The following ANKRD11 variants were observed in gnomAD, a reference collection of about 807,000 sequenced individuals.
ANKRD11 encodes the protein ankyrin repeat domain 11.
A neutral mutation model predicts 195.7 loss-of-function variants in ANKRD11; 17 were observed. That is an observed-to-expected ratio of 0.09 (90% confidence interval 0.06 to 0.13). ANKRD11 has a LOEUF of 0.13. Among genes scored for constraint, ANKRD11 ranks in the 10% least tolerant of loss-of-function variants. The pLI, the probability that ANKRD11 is intolerant of heterozygous loss-of-function variation, is 1.00. For synonymous variants in ANKRD11, 1,953 were observed against 1,528.1 expected (o/e 1.28, Z -6.49); for missense variants, 3,735 against 3,566.1 (o/e 1.05, Z -1.21).
At chr16:89,439,277 C>A (rs1263074276) in intron 1 of ANKRD11, among the ~76,000 whole-genome samples, 1 of 152,108 alleles carries the variant, frequency 6.6e-6, no homozygotes, top group African/African-American at 2.4e-5. Flanking sequence ...GAATCCTAAG[C>A]ACAAATATAT....
At chr16:89,333,008 A>C (rs911095821) in intron 2 of ANKRD11, among the ~76,000 whole-genome samples, 17 of 152,260 alleles carry the variant, frequency 1.1e-4, no homozygotes, top group African/African-American at 4.1e-4. Flanking sequence ...GCACCCGGGG[A>C]ATTTCACACG....
At chr16:89,452,369 C>T (rs2044116669) in intron 1 of ANKRD11, among the ~76,000 whole-genome samples, 1 of 152,168 alleles carries the variant, frequency 6.6e-6, no homozygotes. Context: ...GTAGGGAGGA[C>T]CAACCATGCC....
chr16:89,488,701 C>A (rs2057703506), intron 1 of ANKRD11, among the ~76,000 whole-genome samples: 1 of 152,124 alleles, frequency 6.6e-6, no homozygotes, highest in Non-Finnish European at 1.5e-5. Flanking sequence ...ATATGTTTGG[C>A]TAAGTCTCAA....
intron 2 of ANKRD11, among the ~76,000 whole-genome samples, chr16:89,404,993 C>T (rs572008718): frequency 3.3e-5 from 5 of 152,254 alleles, no homozygotes; most frequent in African/African-American, 1.2e-4. Context: ...AATCAGACTT[C>T]CAAAAAGAAA....
intron 3 of ANKRD11, among the ~76,000 whole-genome samples, chr16:89,315,546 G>A (rs780122565): frequency 5.3e-5 from 8 of 152,294 alleles, no homozygotes; most frequent in South Asian, 2.1e-4. Context: ...GTGTGTCCCC[G>A]CCTGTGAGCT....
chr16:89,280,035 C>A lies in ANKRD11; in HGVS notation c.6507G>T (p.Gly2169=), dbSNP rs1483503412. The change falls in exon 9 of 13, where the codon GGG becomes GGT. Residue 2169 remains glycine, a synonymous_variant. Transcript: ENST00000301030. The stretch of plus-strand genomic sequence containing the variant: ...CCCCACCGTTTATGACCCCGGGGGC[C>A]CCTGGAGGCATCTCTTCTGGAGGAG... The part of the protein sequence containing the change: ...SLAPPEEMPP[G]APGVINGGDV... 6.2e-7 allele frequency: 1 copy of A among 1,612,840 alleles called. No individual in the cohort carries two copies. Among genetic ancestry groups the A allele is most frequent in the Non-Finnish European group, 8.5e-7 (1 of 1,179,954 alleles).
chr16:89,349,687 T>C (rs2039115797), intron 2 of ANKRD11, among the ~76,000 whole-genome samples: 1 of 152,180 alleles, frequency 6.6e-6, no homozygotes, highest in African/African-American at 2.4e-5. Context: ...GAAAACTATG[T>C]ATCTTGTAGA....
chr16:89,457,935 A>C (rs577905192), intron 1 of ANKRD11, among the ~76,000 whole-genome samples: 7 of 152,238 alleles, frequency 4.6e-5, no homozygotes, highest in Admixed American at 3.9e-4. Context: ...TCAGACCCAG[A>C]CCCCAGCTGA....
At chr16:89,275,718 TG>T (rs2033598415) in intron 9 of ANKRD11, among the ~76,000 whole-genome samples, 1 of 152,016 alleles carries the variant, frequency 6.6e-6, no homozygotes, top group African/African-American at 2.4e-5. Context: ...CCGTGGGGGC[TG>T]GGGGACTGTG....
intron 7 of ANKRD11, chr16:89,287,878 C>T: frequency 3.1e-6 from 1 of 325,116 alleles, no homozygotes; most frequent in Non-Finnish European, 5.6e-6. Context: ...AGATGTGGCC[C>T]CGTGTGACCC....
Position 89,290,833 on chromosome 16 carries a change from A to C in ANKRD11, c.398-5T>G. 6.2e-7 allele frequency: 1 copy of C among 1,613,294 alleles called. No homozygotes were observed. Among genetic ancestry groups the C allele is most frequent in the Non-Finnish European group, 8.5e-7 (1 of 1,179,940 alleles). ...GGTGCTTTGGTGTTGTGTCCACTGC[A>C]GGCCAAGGAGGGGACAGATGGGCAT... On this transcript the variant is annotated splice_polypyrimidine_tract_variant and splice_region_variant and intron_variant, in intron 5 of 12. Coordinates refer to ENST00000301030, the MANE Select transcript of ANKRD11 (RefSeq NM_013275.6).
chr16:89,466,080 ACT>A (rs1013969885), intron 1 of ANKRD11, among the ~76,000 whole-genome samples: 17 of 151,970 alleles, frequency 1.1e-4, no homozygotes, highest in African/African-American at 4.1e-4. Flanking sequence ...TGTGTCATAA[ACT>A]CAACAAGCTG....
chr16:89,367,727 C>A (rs1399228126), intron 2 of ANKRD11, among the ~76,000 whole-genome samples: 1 of 152,242 alleles, frequency 6.6e-6, no homozygotes, highest in African/African-American at 2.4e-5. Context: ...CAGCTCCACG[C>A]ATCCCATCCT....
chr16:89,309,648 C>A (rs558572338), intron 3 of ANKRD11, among the ~76,000 whole-genome samples: 1 of 152,212 alleles, frequency 6.6e-6, no homozygotes, highest in Non-Finnish European at 1.5e-5. Flanking sequence ...ACCAGGAAGG[C>A]GGCTCCCATC....
chr16:89,282,684 T>A lies in ANKRD11; in HGVS notation c.3858A>T (p.Glu1286Asp), dbSNP rs1317405976. 1 of 1,614,178 alleles carries A rather than the reference T, an allele frequency of 6.2e-7. No individual in the cohort carries two copies. The highest frequency in any genetic ancestry group is 1.1e-5 in the South Asian group (1 of 91,088). ...AEKSLLEKLE[E>D]EALHEYREDS... The stretch of plus-strand genomic sequence containing the variant: ...CTTCTCTGTACTCATGGAGAGCCTC[T>A]TCTTCCAACTTTTCAAGCAGGCTTT... Residue 1286 changes from glutamate (E) to aspartate (D), a missense_variant, in exon 9 of 13, where the codon GAA (glutamate) becomes GAT (aspartate). By Grantham distance (45) the Glu-to-Asp change is conservative. Transcript: ENST00000301030.
intron 1 of ANKRD11, among the ~76,000 whole-genome samples, chr16:89,484,340 T>C (rs1426378590): frequency 2.6e-5 from 4 of 152,234 alleles, no homozygotes; most frequent in Admixed American, 6.5e-5. Context: ...TTACCTTCTC[T>C]ATTTTAGATA....
chr16:89,459,779 A>C lies in ANKRD11; in HGVS notation c.-145+30466T>G, dbSNP rs72803374. ...GACCAGCCCCATGTCTACAAACAATAAAAAAGTAGCTGGGCATGGTGGTCG... is the reference window on the plus strand; with the variant it reads ...GACCAGCCCCATGTCTACAAACAATCAAAAAGTAGCTGGGCATGGTGGTCG... On this transcript the variant is annotated intron_variant, in intron 1 of 12. Transcript: ENST00000301030. 4.9e-3 allele frequency among the ~76,000 whole-genome samples: 744 copies of C among 152,142 alleles called. 7 individuals are homozygous for C. Among genetic ancestry groups the C allele is most frequent in the Non-Finnish European group, 6.8e-3 (465 of 67,996 alleles).
chr16:89,401,389 T>C (rs2041680960), intron 2 of ANKRD11, among the ~76,000 whole-genome samples: 1 of 152,152 alleles, frequency 6.6e-6, no homozygotes, highest in Admixed American at 6.5e-5. Context: ...AATTTCTCTC[T>C]TGATTATGCA....
At chr16:89,370,902 CCA>C (rs2040164292) in intron 2 of ANKRD11, among the ~76,000 whole-genome samples, 2 of 152,144 alleles carry the variant, frequency 1.3e-5, no homozygotes, top group African/African-American at 4.8e-5. Context: ...CTCAACACAC[CCA>C]AGAACAGAAC....
Sources: allele counts gnomAD v4.1 joint callset (sites outside exome capture counted in the v4.1 genomes callset), GRCh38; gene constraint gnomAD v4.1.1; transcripts MANE v1.5; gene names NCBI Gene and HGNC (gene_info 2026-07-23, HGNC 2026-07-21).